Variants in TBKBP1 observed in about 807,000 individuals in gnomAD.
TBKBP1 encodes TANK-binding kinase 1-binding protein 1.
Under a neutral mutation model 69.9 loss-of-function variants are expected in TBKBP1, and 47 were observed. The observed-to-expected ratio is 0.67, with a 90% CI of 0.53 to 0.86. The LOEUF is 0.86. TBKBP1 is among the 40% of genes least tolerant of loss of function. The pLI is 0.00. For synonymous variants in TBKBP1, 418 were observed against 390.3 expected, an observed-to-expected ratio of 1.07 and a Z score of -0.84; for missense variants, 831 against 858.6, an observed-to-expected ratio of 0.97 and a Z score of 0.40.
rs749872053 is a variant in TBKBP1, at chr17:47,710,385, C to T, written c.1720-113C>T. 38 of 1,411,486 alleles carry T rather than the reference C, an allele frequency of 2.7e-5. No individual in the cohort carries two copies. In the South Asian group the frequency reaches 3.0e-4, roughly 11 times the overall value. The allele number at this position is 1,411,486 out of a possible 1,614,324, so 87.4% of individuals were successfully genotyped here. A position where few individuals can be genotyped will look rare whatever the true frequency, so the allele number is the denominator to read the frequency against. On this transcript the variant is annotated intron_variant, in intron 9 of 9. Transcript: ENST00000578982. The stretch of plus-strand genomic sequence containing the variant: ...GTGCTGAAGAAAGGGTGGCTGGACC[C>T]CTCCTGCATGCCACAGCCCTCCCTG...
intron 4 of TBKBP1, 119 bp from the exon 5 acceptor site, chr17:47,698,476 T>C: frequency 8.9e-7 from 1 of 1,121,046 alleles, no homozygotes. Flanking sequence ...TCACAGCCAC[T>C]TGGAGAGTGG....
In TBKBP1 at chr17:47,709,675, C is replaced by T. The variant is rs562835277; in HGVS notation, c.1719+223C>T. The stretch of plus-strand genomic sequence containing the variant: ...GCCCCATTAAGATTTCGTTCATTTC[C>T]TTGGATAAGGATATGGATTTTGGAG... On this transcript the variant is annotated intron_variant, in intron 9 of 9. Transcript: ENST00000578982. Among the ~76,000 whole-genome samples, 3 of 152,374 alleles carry T rather than the reference C, an allele frequency of 2.0e-5. No homozygotes were observed. The South Asian group carries it at 6.2e-4, about 32-fold the overall frequency.
In TBKBP1 at chr17:47,696,065, T is replaced by C; in HGVS notation, c.-34-14T>C. 6.7e-7 allele frequency: 1 copy of C among 1,487,858 alleles called. No individual in the cohort carries two copies. The highest frequency in any genetic ancestry group is 9.1e-7 in the Non-Finnish European group (1 of 1,097,078). The allele number at this position is 1,487,858 out of a possible 1,614,324, so 92.2% of individuals were successfully genotyped here. On this transcript the variant is annotated splice_polypyrimidine_tract_variant and intron_variant, in intron 1 of 9. Coordinates refer to ENST00000578982, the MANE Select transcript of TBKBP1 (RefSeq NM_001394755.1). ...GACAGACGGCCCTGTCCACGGTTGC[T>C]CCTGCTCTCCTAGGAGGCCCCGTGT... is the stretch of plus-strand genomic sequence containing the variant.
chr17:47,706,794 C>T (rs1158057390), intron 7 of TBKBP1, among the ~76,000 whole-genome samples: 3 of 151,560 alleles, frequency 2.0e-5, no homozygotes, highest in African/African-American at 4.8e-5. Flanking sequence ...CCTAACCTCA[C>T]GACTTCCCCT....
chr17:47,706,775 CT>C (rs2031709910), intron 7 of TBKBP1, among the ~76,000 whole-genome samples: 1 of 151,960 alleles, frequency 6.6e-6, no homozygotes, highest in Non-Finnish European at 1.5e-5. Flanking sequence ...TTTTCCTGCC[CT>C]CTGAAGCCCT....
chr17:47,708,391 C>T lies in TBKBP1; in HGVS notation c.873-3C>T. ...CGTCTTTCCCACTGCCCTCTGACTT[C>T]AGGGTGAATTTGGCGCTGGCCTACA... On this transcript the variant is annotated splice_region_variant and splice_polypyrimidine_tract_variant and intron_variant, in intron 7 of 9. Coordinates refer to ENST00000578982, the MANE Select transcript of TBKBP1 (RefSeq NM_001394755.1). This position sits in a 1 kb window ranked among gnomAD's most constrained non-coding sequence, Gnocchi z 4.4. 5 of 1,613,824 alleles carry T rather than the reference C, an allele frequency of 3.1e-6. No homozygotes were observed. Among genetic ancestry groups the T allele is most frequent in the Non-Finnish European group, 4.2e-6 (5 of 1,179,764 alleles).
At chr17:47,700,455 G>C (rs927208589) in intron 7 of TBKBP1, among the ~76,000 whole-genome samples, 1 of 151,750 alleles carries the variant, frequency 6.6e-6, no homozygotes, top group Non-Finnish European at 1.5e-5. Flanking sequence ...TTCTGGAGAT[G>C]CCAGGGCTAA....
At chr17:47,702,054 A>C (rs866518613) in intron 7 of TBKBP1, among the ~76,000 whole-genome samples, 1 of 152,220 alleles carries the variant, frequency 6.6e-6, no homozygotes, top group African/African-American at 2.4e-5. Flanking sequence ...GCGAGCGTTA[A>C]TTCTCAGAGG....
intron 4 of TBKBP1, 44 bp downstream of exon 4, chr17:47,697,237 T>C: frequency 6.5e-7 from 1 of 1,539,208 alleles, no homozygotes; most frequent in Non-Finnish European, 8.9e-7. Context: ...GTGTAGCTGG[T>C]TGTGTGTGTG....
intron 7 of TBKBP1, among the ~76,000 whole-genome samples, chr17:47,705,438 A>G (rs1004327404): frequency 7.2e-5 from 11 of 152,220 alleles, no homozygotes; most frequent in Admixed American, 7.2e-4. Flanking sequence ...CAAACAGATC[A>G]TCCGATTCTT....
chr17:47,696,986 C>T (rs1340958198), intron 3 of TBKBP1, 103 bp from the exon 4 acceptor site: 4 of 1,511,494 alleles, frequency 2.6e-6, no homozygotes, highest in Non-Finnish European at 3.6e-6. Flanking sequence ...TCCTGCCCCT[C>T]CATAGGGTGC....
intron 1 of TBKBP1, chr17:47,694,496 G>A (rs1318759762): frequency 6.6e-6 from 1 of 152,136 alleles, no homozygotes; most frequent in Non-Finnish European, 1.5e-5. Context: ...GAGGGGAGGG[G>A]CGACAATTTC....
At chr17:47,705,624 G>C (rs747853254) in intron 7 of TBKBP1, among the ~76,000 whole-genome samples, 1 of 152,234 alleles carries the variant, frequency 6.6e-6, no homozygotes. Context: ...GAAATGGAAT[G>C]TGTATTTCGG....
intron 7 of TBKBP1, among the ~76,000 whole-genome samples, chr17:47,706,043 A>G (rs2031684232): frequency 6.6e-6 from 1 of 152,224 alleles, no homozygotes; most frequent in South Asian, 2.1e-4. Flanking sequence ...GCTCCTGACA[A>G]GGGGAGGGAG....
Position 47,709,055 on chromosome 17 carries a change from A to T in TBKBP1, c.1322A>T (p.Glu441Val), listed in dbSNP as rs1301067272. The change falls in exon 9 of 10, where the codon GAG (glutamate) becomes GTG (valine). Residue 441 changes from glutamate (E) to valine (V), a missense_variant. By Grantham distance (121) the Glu-to-Val change is moderately radical. Transcript: ENST00000578982. ...PPPPGERTLA[E>V]RAYAKPPSHH... ...CCGCCGGGCGAGAGGACGCTGGCCGAGCGCGCCTACGCCAAGCCGCCCAGC... is the reference window on the plus strand; with the variant it reads ...CCGCCGGGCGAGAGGACGCTGGCCGTGCGCGCCTACGCCAAGCCGCCCAGC... 2.3e-6 allele frequency: 3 copies of T among 1,324,846 alleles called. No individual in the cohort carries two copies. In the African/African-American group the frequency reaches 4.8e-5, roughly 21 times the overall value. The allele number at this position is 1,324,846 out of a possible 1,614,324, so 82.1% of individuals were successfully genotyped here.
rs561049432 is a variant in TBKBP1, at chr17:47,708,280, G to C, written c.873-114G>C. The stretch of plus-strand genomic sequence containing the variant: ...TGCAATTGGGGTAGGAGGGCCCTGC[G>C]GGTGGGAGGGAGCATGGTGGGGCCA... On this transcript the variant is annotated intron_variant, in intron 7 of 9. Coordinates refer to ENST00000578982, the MANE Select transcript of TBKBP1 (RefSeq NM_001394755.1). This position sits in a 1 kb window ranked among gnomAD's most constrained non-coding sequence, Gnocchi z 4.4. 34 of 1,096,508 alleles carry C rather than the reference G, an allele frequency of 3.1e-5. No homozygotes were observed. Among genetic ancestry groups the C allele is most frequent in the Non-Finnish European group, 4.4e-5 (33 of 750,826 alleles). The allele number at this position is 1,096,508 out of a possible 1,614,324, so 67.9% of individuals were successfully genotyped here. A position where few individuals can be genotyped will look rare whatever the true frequency, so the allele number is the denominator to read the frequency against.
At position 47,708,097 on chromosome 17, in the gene TBKBP1, G is replaced by T. The variant is rs1198946320; in HGVS notation, c.873-297G>T. The stretch of plus-strand genomic sequence containing the variant: ...GTTCAGACCACGGACAGTGCCTGAT[G>T]CAGGGATTCAGGGAGCCCTTGGAAT... On this transcript the variant is annotated intron_variant, in intron 7 of 9. Transcript: ENST00000578982. This position sits in a 1 kb window ranked among gnomAD's most constrained non-coding sequence, Gnocchi z 4.4. Among the ~76,000 whole-genome samples the T allele has an allele frequency of 6.6e-6, 1 of 152,228 alleles. No homozygotes were observed. The highest frequency in any genetic ancestry group is 1.9e-4 in the East Asian group (1 of 5,204).
chr17:47,707,905 C>G (rs1423510547), intron 7 of TBKBP1, among the ~76,000 whole-genome samples: 1 of 152,214 alleles, frequency 6.6e-6, no homozygotes, highest in Non-Finnish European at 1.5e-5. Context: ...GGATCCCACT[C>G]CCAGTACACA....
chr17:47,696,474 C>G, intron 2 of TBKBP1, 137 bp downstream of exon 2: 1 of 1,165,780 alleles, frequency 8.6e-7, no homozygotes, highest in East Asian at 2.5e-5. Flanking sequence ...CCATGAGAGA[C>G]GTGGCTGTTC....
Sources: gnomAD v4.1 joint callset for allele counts (sites outside exome capture counted in the v4.1 genomes callset) on GRCh38, gnomAD v4.1.1 for gene constraint, Gnocchi (gnomAD v3.1) non-coding constraint, MANE v1.5 for transcripts, NCBI Gene and HGNC (gene_info 2026-07-23, HGNC 2026-07-21) for gene names.